Variants in ING1 observed in about 807,000 individuals in gnomAD.
ING1 encodes the protein inhibitor of growth family member 1, also known as inhibitor of growth protein 1.
ING1 carries 4 observed loss-of-function variants against 23.1 expected under a neutral mutation model. That is an observed-to-expected ratio of 0.17 (90% CI 0.09 to 0.40). The LOEUF is 0.40. Among genes scored for constraint, ING1 ranks in the 10% least tolerant of loss-of-function variants. The pLI, the probability that ING1 is intolerant of heterozygous loss-of-function variation, is 1.00. For synonymous variants in ING1, 179 were observed against 166.4 expected (o/e 1.08, Z -0.58); for missense variants, 256 against 393.8 (o/e 0.65, Z 2.96).
At chr13:110,712,932 G>A, upstream of ING1, 5 of 1,557,070 alleles carry the variant, frequency 3.2e-6, no homozygotes, top group African/African-American at 2.7e-5. Flanking sequence ...GCGCAGGCGC[G>A]GGAGCCGCCT....
intron 1 of ING1, chr13:110,715,982 G>T (rs770418194): frequency 2.6e-6 from 4 of 1,512,084 alleles, no homozygotes; most frequent in Non-Finnish European, 3.5e-6. Flanking sequence ...CTGACCCGAG[G>T]GTGGGGCCGC....
chr13:110,713,269 G>T (rs1203290268), upstream of ING1: 1 of 1,318,476 alleles, frequency 7.6e-7, no homozygotes, highest in Non-Finnish European at 9.7e-7. Context: ...AAGAGTCAGG[G>T]GCTGAGGAGC....
intron 1 of ING1, among the ~76,000 whole-genome samples, chr13:110,716,286 C>G (rs1001709760): frequency 6.6e-6 from 1 of 152,160 alleles, no homozygotes; most frequent in African/African-American, 2.4e-5. Context: ...TCATGTTCAC[C>G]TAGGGTGATG....
Position 110,713,725 on chromosome 13 carries a change from G to C in ING1, c.-425G>C, listed in dbSNP as rs887092934. The C allele has an allele frequency of 8.2e-5, 81 of 985,122 alleles. No homozygotes were observed. Among genetic ancestry groups the C allele is most frequent in the Non-Finnish European group, 9.2e-5 (76 of 829,898 alleles). The allele number at this position is 985,122 out of a possible 1,614,324, so 61.0% of individuals were successfully genotyped here. A position where few individuals can be genotyped will look rare whatever the true frequency, so the allele number is the denominator to read the frequency against. On this transcript the variant is annotated 5_prime_UTR_variant, in exon 1 of 2. Transcript: ENST00000333219. ...GGGTTTTCCACGTTGGACAAGTGCGGCTCGGCGGCCAGCGGAGCGCGCCCC... is the reference window on the plus strand; with the variant it reads ...GGGTTTTCCACGTTGGACAAGTGCGCCTCGGCGGCCAGCGGAGCGCGCCCC...
chr13:110,713,548 G>T, upstream of ING1: 2 of 986,190 alleles, frequency 2.0e-6, no homozygotes, highest in Non-Finnish European at 2.4e-6. Context: ...GCCCCCGCGA[G>T]GGCCGGCCTG....
chr13:110,712,624 A>G (rs1594447777), upstream of ING1: 20 of 440,408 alleles, frequency 4.5e-5, no homozygotes, highest in East Asian at 9.3e-5. Flanking sequence ...GAGCTTTGGG[A>G]GGGTAGAGGG....
At chr13:110,712,920 T>C (rs779707454), upstream of ING1, 8 of 1,553,522 alleles carry the variant, frequency 5.1e-6, no homozygotes, top group Admixed American at 5.7e-5. Context: ...CGGTGACGGA[T>C]GGCGCAGGCG....
chr13:110,720,126 G>T lies in ING1; in HGVS notation c.*194G>T. 1 of 458,336 alleles carries T rather than the reference G, an allele frequency of 2.2e-6. No homozygotes were observed. The highest frequency in any genetic ancestry group is 5.1e-5 in the South Asian group (1 of 19,678). 28.4% of individuals were successfully genotyped at this position (458,336 alleles called of 1,614,324 possible). On this transcript the variant is annotated 3_prime_UTR_variant, in exon 2 of 2. Coordinates refer to ENST00000333219, the MANE Select transcript of ING1 (RefSeq NM_198219.3). ...ATTGGTACACGTGTAACAAGAAAGT[G>T]GTCTGTGGATCAGCATTTTAGAAAC...
intron 1 of ING1, chr13:110,715,433 A>G (rs2064105185): frequency 6.4e-7 from 1 of 1,569,836 alleles, no homozygotes. Context: ...GCCCCCCAGT[A>G]GTTGGCTGTG....
chr13:110,713,224 G>C, upstream of ING1: 3 of 1,416,230 alleles, frequency 2.1e-6, no homozygotes, highest in Non-Finnish European at 2.8e-6. Flanking sequence ...GTTCTGTTTC[G>C]GGCCCTACTT....
chr13:110,714,332 C>G, intron 1 of ING1, 47 bp downstream of exon 1: 3 of 1,421,636 alleles, frequency 2.1e-6, no homozygotes, highest in East Asian at 3.3e-5. Flanking sequence ...TCCTTCCCGG[C>G]GGGTCCGGGC....
At position 110,722,714 on chromosome 13, in the gene ING1, T is replaced by G. The variant is rs1475845785; in HGVS notation, c.*2782T>G. On this transcript the variant is annotated 3_prime_UTR_variant, in exon 2 of 2. Transcript: ENST00000333219. ...AATTTTTCTCTAGCTTTCTTCAAGT[T>G]TCTCATAAGGACAGGTGGGTAGCCA... is the stretch of plus-strand genomic sequence containing the variant. 1.3e-5 allele frequency: 2 copies of G among 152,226 alleles called. No homozygotes were observed. The highest frequency in any genetic ancestry group is 1.3e-4 in the Admixed American group (2 of 15,282). 9.4% of individuals were successfully genotyped at this position (152,226 alleles called of 1,614,324 possible). A position where few individuals can be genotyped will look rare whatever the true frequency, so the allele number is the denominator to read the frequency against.
At chr13:110,715,657 T>G (rs150339955) in intron 1 of ING1, 2 of 1,611,866 alleles carry the variant, frequency 1.2e-6, no homozygotes, top group African/African-American at 2.7e-5. Flanking sequence ...TTCTCGCTGC[T>G]GGGGCGGGCC....
chr13:110,713,592 G>C (rs927001190), upstream of ING1: 2 of 985,554 alleles, frequency 2.0e-6, no homozygotes, highest in African/African-American at 1.7e-5. Flanking sequence ...GGACGGTGAG[G>C]GGCGTGAATG....
At chr13:110,713,693 G>GGTATTTGGGTTTTC, upstream of ING1, 3 of 985,316 alleles carry the variant, frequency 3.0e-6, no homozygotes, top group Non-Finnish European at 3.6e-6. Context: ...GTTTGAAACT[G>GGTATTTGGGTTTTC]GTATTTGGGT....
rs755851017 is a variant in ING1 at position 110,714,223 on chromosome 13, C to A, written c.74C>A (p.Ser25Tyr). The change falls in exon 1 of 2, where the codon TCC becomes TAC. Residue 25 changes from serine to tyrosine, a missense_variant. Physicochemically the swap from Ser to Tyr is moderately radical, Grantham distance 144. Around this residue, in one of 3 missense-constraint regions of ING1, gnomAD observed 209 missense variants for 273.8 expected, o/e 0.76. Coordinates refer to ENST00000333219, the MANE Select transcript of ING1 (RefSeq NM_198219.3). Reference protein sequence around the residue: ...YVEDYLDSIESLPFDLQRNVS... With the variant: ...YVEDYLDSIEYLPFDLQRNVS... ...GAGGACTACCTGGACTCCATCGAGTCCCTGCCTTTCGACTTGCAGAGAAAT... is the reference window on the plus strand; with the variant it reads ...GAGGACTACCTGGACTCCATCGAGTACCTGCCTTTCGACTTGCAGAGAAAT... The A allele has an allele frequency of 6.3e-7, 1 of 1,574,938 alleles. No individual in the cohort carries two copies. The highest frequency in any genetic ancestry group is 8.6e-7 in the Non-Finnish European group (1 of 1,162,578).
At chr13:110,715,257 G>C (rs1170678669) in intron 1 of ING1, 18 of 1,376,210 alleles carry the variant, frequency 1.3e-5, no homozygotes, top group Non-Finnish European at 1.7e-5. Flanking sequence ...CTGCGCAGTA[G>C]GGAAACGGAA....
chr13:110,719,608 C>T lies in ING1; in HGVS notation c.516C>T (p.Ala172=), dbSNP rs2064155334. ...GCAACCACGACCACGACGACGGCGC[C>T]TCGGGCACACCCAAGGAGAAGAAGG... ...ASSNHDHDDG[A]SGTPKEKKAK... The change falls in exon 2 of 2, where the codon GCC becomes GCT. Residue 172 remains alanine (A), a synonymous_variant. Transcript: ENST00000333219. The surrounding 1 kb of genome is among the most constrained non-coding windows in gnomAD (Gnocchi z 8.9). 1.9e-6 allele frequency: 3 copies of T among 1,611,824 alleles called. No individual in the cohort carries two copies. The highest frequency in any genetic ancestry group is 2.7e-5 in the African/African-American group (2 of 74,674).
Position 110,719,686 on chromosome 13 carries a change from G to A in ING1, c.594G>A (p.Ala198=), listed in dbSNP as rs1033198415. The part of the protein sequence containing the change: ...KRSKAKAERE[A]SPADLPIDPN... ...CCAAGGCCAAGGCGGAGCGAGAGGCGTCCCCTGCCGACCTCCCCATCGACC... is the reference window on the plus strand; with the variant it reads ...CCAAGGCCAAGGCGGAGCGAGAGGCATCCCCTGCCGACCTCCCCATCGACC... The change falls in exon 2 of 2, where the codon GCG becomes GCA. Residue 198 remains alanine (A), a synonymous_variant. Transcript: ENST00000333219. This position sits in a 1 kb window ranked among gnomAD's most constrained non-coding sequence, Gnocchi z 8.9. 3 of 1,613,762 alleles carry A rather than the reference G, an allele frequency of 1.9e-6. No individual in the cohort carries two copies. The highest frequency in any genetic ancestry group is 1.7e-6 in the Non-Finnish European group (2 of 1,179,984).
Sources: gnomAD v4.1 joint callset for allele counts (sites outside exome capture counted in the v4.1 genomes callset) on GRCh38, gnomAD v4.1.1 for gene constraint, gnomAD v4.1.1 regional missense constraint, Gnocchi (gnomAD v3.1) non-coding constraint, MANE v1.5 for transcripts, NCBI Gene and HGNC (gene_info 2026-07-23, HGNC 2026-07-21) for gene names.